Variants in MS4A6A observed in about 807,000 individuals in gnomAD.
MS4A6A encodes membrane-spanning 4-domains subfamily A member 6A.
MS4A6A carries 19 observed loss-of-function variants against 20.6 expected under a neutral mutation model. That is an observed-to-expected ratio of 0.92 (90% CI 0.64 to 1.36). The LOEUF is 1.36. Ranked by LOEUF, MS4A6A falls within the 40% of genes most tolerant of loss-of-function variation. MS4A6A has a pLI of 0.00. For missense variants in MS4A6A, 272 were observed against 261.1 expected (o/e 1.04, Z -0.29); for synonymous variants, 108 against 105.0 (o/e 1.03, Z -0.17).
At chr11:60,176,557 A>G (rs1254277379) in intron 4 of MS4A6A, among the ~76,000 whole-genome samples, 1 of 152,126 alleles carries the variant, frequency 6.6e-6, no homozygotes, top group Non-Finnish European at 1.5e-5. Flanking sequence ...GGTAGGCTCC[A>G]GGGCACACCT....
intron 4 of MS4A6A, among the ~76,000 whole-genome samples, chr11:60,176,613 T>G (rs1190092602): frequency 6.6e-6 from 1 of 152,180 alleles, no homozygotes; most frequent in Non-Finnish European, 1.5e-5. Flanking sequence ...TGGGCACTTC[T>G]TCTTTTAGGA....
chr11:60,171,948 C>T (rs959283016), downstream of MS4A6A: 50 of 430,308 alleles, frequency 1.2e-4, no homozygotes, highest in Non-Finnish European at 4.1e-5. Flanking sequence ...TAATTTACAG[C>T]CCCGTGCTTT....
downstream of MS4A6A, among the ~76,000 whole-genome samples, chr11:60,171,740 A>T (rs1452504630): frequency 6.6e-6 from 1 of 152,224 alleles, no homozygotes; most frequent in Non-Finnish European, 1.5e-5. Context: ...AAAAAGTCTG[A>T]GCACCACAAC....
chr11:60,175,433 G>A lies in MS4A6A; in HGVS notation c.518C>T (p.Thr173Met), dbSNP rs530964700. The A allele has an allele frequency of 3.7e-5, 59 of 1,614,064 alleles. 1 individual carries two copies. The highest frequency in any genetic ancestry group is 1.6e-4 in the East Asian group (7 of 44,874). The change falls in exon 5 of 6, where the codon ACG becomes ATG. Residue 173 changes from threonine (T) to methionine (M), a missense_variant. Transcript: ENST00000528851. ...ACTGGCTTTGGCTGTATAGCAGTCCGTGGTATAAAGTGAATCATGATAAAA... is the reference window on the plus strand; with the variant it reads ...ACTGGCTTTGGCTGTATAGCAGTCCATGGTATAAAGTGAATCATGATAAAA... ...SYFYHDSLYT[T>M]DCYTAKASLA...
chr11:60,184,182 G>C (rs1484105379), upstream of MS4A6A: 4 of 152,226 alleles, frequency 2.6e-5, no homozygotes, highest in Non-Finnish European at 5.9e-5. Flanking sequence ...GGCTGGATTA[G>C]TTCTCAGCGT....
intron 4 of MS4A6A, among the ~76,000 whole-genome samples, chr11:60,176,800 G>A (rs533779302): frequency 1.3e-5 from 2 of 152,152 alleles, no homozygotes; most frequent in Non-Finnish European, 2.9e-5. Flanking sequence ...CTGGTGCAAT[G>A]TGTGACAAGA....
chr11:60,179,493 T>C, intron 3 of MS4A6A: 1 of 575,352 alleles, frequency 1.7e-6, no homozygotes, highest in Non-Finnish European at 3.1e-6. Flanking sequence ...TTATGCTCTT[T>C]TTTTTTTTTG....
chr11:60,183,060 A>G lies in MS4A6A; in HGVS notation c.-97T>C. On this transcript the variant is annotated 5_prime_UTR_variant, in exon 1 of 6. Coordinates refer to ENST00000528851, the MANE Select transcript of MS4A6A (RefSeq NM_022349.4). Reference sequence around the variant, plus strand: ...TTTCTCAGTCCCATCAACGGTTTCTACTTACCTTCATCTTCTGAAAGTCAT... The same window carrying G: ...TTTCTCAGTCCCATCAACGGTTTCTGCTTACCTTCATCTTCTGAAAGTCAT... 2 of 1,496,086 alleles carry G rather than the reference A, an allele frequency of 1.3e-6. No individual in the cohort carries two copies. Among genetic ancestry groups the G allele is most frequent in the Non-Finnish European group, 1.8e-6 (2 of 1,130,548 alleles). 92.7% of individuals were successfully genotyped at this position (1,496,086 alleles called of 1,614,324 possible).
At chr11:60,182,910 A>G in intron 1 of MS4A6A, 68 bp downstream of exon 1, 2 of 968,266 alleles carry the variant, frequency 2.1e-6, no homozygotes, top group Non-Finnish European at 2.7e-6. Context: ...TTTCAAGTTA[A>G]ATTACTCCTC....
chr11:60,181,701 C>T lies in MS4A6A; in HGVS notation c.27G>A (p.Glu9=). Residue 9 remains glutamate (E), a synonymous_variant, in exon 2 of 6, where the codon GAG becomes GAA. Transcript: ENST00000528851. MTSQPVPN[E]TIIVLPSNVI... ...CATTTGATGGGAGCACTATGATGGT[C>T]TCATTGGGAACAGGTTGTGATGTCA... 1 of 1,614,058 alleles carries T rather than the reference C, an allele frequency of 6.2e-7. No individual in the cohort carries two copies. The highest frequency in any genetic ancestry group is 8.5e-7 in the Non-Finnish European group (1 of 1,179,976).
intron 4 of MS4A6A, among the ~76,000 whole-genome samples, chr11:60,177,578 GT>G (rs148700655): frequency 6.6e-6 from 1 of 151,870 alleles, no homozygotes; most frequent in African/African-American, 2.4e-5. Flanking sequence ...TTGTTGTTTT[GT>G]TTTTTTGTTA....
In MS4A6A at chr11:60,182,994, C is replaced by T; in HGVS notation, c.-31G>A. 1 of 1,390,242 alleles carries T rather than the reference C, an allele frequency of 7.2e-7. No individual in the cohort carries two copies. 86.1% of individuals were successfully genotyped at this position (1,390,242 alleles called of 1,614,324 possible). A position where few individuals can be genotyped will look rare whatever the true frequency, so the allele number is the denominator to read the frequency against. ...ATTACCTACCTGTGCCCGTTGGTTC[C>T]AGCTGAGTCCTCAGAAGCTCCAAAG... On this transcript the variant is annotated 5_prime_UTR_variant, in exon 1 of 6. Coordinates refer to ENST00000528851, the MANE Select transcript of MS4A6A (RefSeq NM_022349.4).
At chr11:60,175,113 C>G (rs931098112) in intron 5 of MS4A6A, among the ~76,000 whole-genome samples, 1 of 151,554 alleles carries the variant, frequency 6.6e-6, no homozygotes, top group Admixed American at 6.7e-5. Flanking sequence ...TTTTGATAAA[C>G]TCATAATTTA....
chr11:60,175,585 A>G lies in MS4A6A; in HGVS notation c.366T>C (p.Ile122=). The stretch of plus-strand genomic sequence containing the variant: ...CCACCAGGGCAGACAGAGCACTCAG[A>G]ATGCTTCCAACCAGGCTGCTATGCA... ...LLVHSSLVGS[I]LSALSALVGF... Residue 122 remains isoleucine, a synonymous_variant, in exon 5 of 6, where the codon ATT becomes ATC. Transcript: ENST00000528851. 6.2e-7 allele frequency: 1 copy of G among 1,613,690 alleles called. No individual in the cohort carries two copies. Among genetic ancestry groups the G allele is most frequent in the Non-Finnish European group, 8.5e-7 (1 of 1,180,006 alleles).
chr11:60,172,049 A>C (rs750227527), downstream of MS4A6A: 12 of 1,048,932 alleles, frequency 1.1e-5, no homozygotes, highest in Non-Finnish European at 1.5e-5. Context: ...AATGTTCATT[A>C]CTTTAAAAGC....
chr11:60,182,643 G>A (rs1390903710), intron 1 of MS4A6A: 1 of 152,588 alleles, frequency 6.6e-6, no homozygotes, highest in Non-Finnish European at 1.5e-5. Flanking sequence ...GTAGGTTGTG[G>A]TATTTGTTGC....
At chr11:60,182,552 A>G (rs1431096265) in intron 1 of MS4A6A, 1 of 152,254 alleles carries the variant, frequency 6.6e-6, no homozygotes, top group Non-Finnish European at 1.5e-5. Flanking sequence ...AGCTGCATGC[A>G]GTGGTATGAG....
At chr11:60,172,182 T>C (rs775590844), downstream of MS4A6A, 7 of 1,613,104 alleles carry the variant, frequency 4.3e-6, no homozygotes, top group Admixed American at 1.7e-5. Context: ...GTTCTTCATA[T>C]CCACAGTCAT....
chr11:60,175,807 C>T (rs181513990), intron 4 of MS4A6A, among the ~76,000 whole-genome samples, 196 bp from the exon 5 acceptor site: 1 of 152,288 alleles, frequency 6.6e-6, no homozygotes, highest in East Asian at 1.9e-4. Context: ...GAATGAATGA[C>T]TATACGAACT....
Sources: allele counts gnomAD v4.1 joint callset (sites outside exome capture counted in the v4.1 genomes callset), GRCh38; gene constraint gnomAD v4.1.1; transcripts MANE v1.5; gene names NCBI Gene and HGNC (gene_info 2026-07-23, HGNC 2026-07-21).